The following KDM5A variants were observed in gnomAD, a reference collection of about 807,000 sequenced individuals.
KDM5A encodes lysine-specific demethylase 5A.
In KDM5A, 42 loss-of-function variants were observed where a neutral mutation model predicts 193.5. That is an observed-to-expected ratio of 0.22 (90% CI 0.17 to 0.28). The LOEUF (loss-of-function observed/expected upper bound fraction) is 0.28, where lower values mean the gene tolerates loss of function less well. Ranked by LOEUF, KDM5A falls within the 10% of genes least tolerant of loss-of-function variation. The probability of loss-of-function intolerance (pLI) is 1.00; values close to 1 mark genes in which losing one functional copy is unlikely to be tolerated. For synonymous variants in KDM5A, 796 were observed against 718.1 expected, an observed-to-expected ratio of 1.11 and a Z score of -1.73; for missense variants, 1,692 against 2,055.1, an observed-to-expected ratio of 0.82 and a Z score of 3.42.
rs1943526182 is a variant in KDM5A, at chr12:307,642, A to T, written c.3742T>A (p.Cys1248Ser). 1 of 1,614,216 alleles carries T rather than the reference A, an allele frequency of 6.2e-7. No homozygotes were observed. The highest frequency in any genetic ancestry group is 1.7e-5 in the Admixed American group (1 of 60,020). Reference sequence around the variant, plus strand: ...CAACTCATAGCACGTTCTGTCAAACACTGCAGGGCCTCTCCTTCAGGCAAC... The same window carrying T: ...CAACTCATAGCACGTTCTGTCAAACTCTGCAGGGCCTCTCCTTCAGGCAAC... ...VRLPEGEALQ[C>S]LTERAMSWQD... Residue 1248 changes from cysteine (C) to serine (S), a missense_variant, in exon 23 of 28, where the codon TGT becomes AGT. Cys to Ser is a moderately radical substitution (Grantham distance 112). Transcript: ENST00000399788. The surrounding 1 kb of genome is among the most constrained non-coding windows in gnomAD (Gnocchi z 4.3).
At chr12:335,210 G>A (rs1943914325) in intron 10 of KDM5A, among the ~76,000 whole-genome samples, 1 of 152,222 alleles carries the variant, frequency 6.6e-6, no homozygotes, top group Non-Finnish European at 1.5e-5. Context: ...GGAAGCTGTT[G>A]CAAGAGTTTT....
At chr12:375,089 G>A (rs771358942) in intron 3 of KDM5A, among the ~76,000 whole-genome samples, 6 of 152,126 alleles carry the variant, frequency 3.9e-5, no homozygotes, top group East Asian at 1.9e-4. Flanking sequence ...TCTTTGTGGC[G>A]TTCTCTGTAT....
At chr12:331,762 CTT>C in intron 13 of KDM5A, 55 bp downstream of exon 13, 7 of 1,607,720 alleles carry the variant, frequency 4.4e-6, no homozygotes, top group Non-Finnish European at 6.0e-6. Flanking sequence ...AACTAAGCTG[CTT>C]TATATTTATA....
chr12:359,787 G>A (rs1205415116), intron 5 of KDM5A, among the ~76,000 whole-genome samples: 2 of 134,382 alleles, frequency 1.5e-5, no homozygotes, highest in Admixed American at 7.5e-5. Context: ...AGGAGGAAGG[G>A]ATGAAGGGAA....
In KDM5A at chr12:366,243, C is replaced by T. The variant is rs1944355804; in HGVS notation, c.367-139G>A. On this transcript the variant is annotated intron_variant, in intron 3 of 27. Transcript: ENST00000399788. Reference sequence around the variant, plus strand: ...TTCAATGAGTATCTAACCAAACTGACACTTGTCAACATTTAGAGTAAGAAA... The same window carrying T: ...TTCAATGAGTATCTAACCAAACTGATACTTGTCAACATTTAGAGTAAGAAA... 7.1e-6 allele frequency: 5 copies of T among 705,758 alleles called. No homozygotes were observed. The East Asian group carries it at 1.2e-4, about 17-fold the overall frequency. 43.7% of individuals were successfully genotyped at this position (705,758 alleles called of 1,614,324 possible).
intron 27 of KDM5A, chr12:286,093 G>C (rs1943216882): frequency 2.2e-6 from 1 of 450,124 alleles, no homozygotes; most frequent in Admixed American, 2.7e-5. Context: ...TTATTTCAAA[G>C]AGATAAGCCA....
intron 3 of KDM5A, among the ~76,000 whole-genome samples, chr12:372,671 G>C (rs1200126062): frequency 6.6e-6 from 1 of 152,154 alleles, no homozygotes; most frequent in African/African-American, 2.4e-5. Flanking sequence ...TATTGTACTA[G>C]TTTTCAAAGG....
chr12:380,646 C>G (rs144930549), intron 3 of KDM5A, among the ~76,000 whole-genome samples: 2,481 of 152,122 alleles, frequency 0.016, 31 homozygotes, highest in East Asian at 0.065. Context: ...TCGGTTGAAC[C>G]TGGGAGATGG....
chr12:354,356 G>A, intron 7 of KDM5A, 122 bp from the exon 8 acceptor site: 1 of 693,220 alleles, frequency 1.4e-6, no homozygotes, highest in African/African-American at 1.8e-5. Flanking sequence ...CTTAAATCCT[G>A]AATGTCTATT....
chr12:374,199 T>A (rs188437471), intron 3 of KDM5A, among the ~76,000 whole-genome samples: 1 of 152,330 alleles, frequency 6.6e-6, no homozygotes, highest in Admixed American at 6.5e-5. Context: ...TCTCCCATTA[T>A]CATTGTGTGG....
chr12:292,124 G>A (rs144733318), intron 27 of KDM5A, among the ~76,000 whole-genome samples: 1 of 152,068 alleles, frequency 6.6e-6, no homozygotes, highest in African/African-American at 2.4e-5. Context: ...GGCTGGTCTC[G>A]AACTCCTCAC....
chr12:368,559 C>T (rs755163459), intron 3 of KDM5A, among the ~76,000 whole-genome samples: 3 of 151,954 alleles, frequency 2.0e-5, no homozygotes, highest in Non-Finnish European at 1.5e-5. Context: ...GGTGAAACTC[C>T]GTCTCAACTA....
In KDM5A at chr12:292,749, T is replaced by C; in HGVS notation, c.4866+10A>G. 6 of 1,614,228 alleles carry C rather than the reference T, an allele frequency of 3.7e-6. No homozygotes were observed. The South Asian group carries it at 6.6e-5, about 18-fold the overall frequency. On this transcript the variant is annotated intron_variant, in intron 27 of 27. Transcript: ENST00000399788. Reference sequence around the variant, plus strand: ...CCTCTCATGCTTGACTATAAACAGTTGGAACTCACCTTGTCCTTGCAGGGC... The same window carrying C: ...CCTCTCATGCTTGACTATAAACAGTCGGAACTCACCTTGTCCTTGCAGGGC...
At chr12:295,490 C>T (rs936207887) in intron 26 of KDM5A, 83 bp downstream of exon 26, 20 of 1,289,664 alleles carry the variant, frequency 1.6e-5, no homozygotes, top group Non-Finnish European at 2.2e-5. Flanking sequence ...CTCAGCCACC[C>T]CTTTGCCAAC....
chr12:357,942 A>G (rs932735683), intron 5 of KDM5A, among the ~76,000 whole-genome samples: 3 of 151,718 alleles, frequency 2.0e-5, no homozygotes, highest in African/African-American at 7.3e-5. Flanking sequence ...CCATACTACA[A>G]CTGGGAGGAA....
Position 389,193 on chromosome 12 carries a change from C to A in KDM5A, c.-102G>T, listed in dbSNP as rs755601445. ...TCAAGTCCCCTGACAGAGGCCGAAG[C>A]GCATCTTCGCGGACAAGAACCGTTC... On this transcript the variant is annotated 5_prime_UTR_variant, in exon 1 of 28. Coordinates refer to ENST00000399788, the MANE Select transcript of KDM5A (RefSeq NM_001042603.3). The A allele has an allele frequency of 3.7e-6, 4 of 1,074,718 alleles. No homozygotes were observed. The South Asian group carries it at 5.0e-5, about 13-fold the overall frequency. 66.6% of individuals were successfully genotyped at this position (1,074,718 alleles called of 1,614,324 possible).
At chr12:347,334 G>A (rs1186720860) in intron 10 of KDM5A, among the ~76,000 whole-genome samples, 3 of 152,228 alleles carry the variant, frequency 2.0e-5, no homozygotes, top group East Asian at 3.9e-4. Flanking sequence ...TGGCCATATT[G>A]CCCAAAGTAA....
intron 10 of KDM5A, among the ~76,000 whole-genome samples, chr12:343,850 G>A (rs1274099644): frequency 6.6e-6 from 1 of 152,220 alleles, no homozygotes; most frequent in Non-Finnish European, 1.5e-5. Flanking sequence ...AAATCAGAGT[G>A]CCTCTTCTCC....
rs143616405 is a variant in KDM5A, at chr12:284,077, G to C, written c.*1379C>G. ...AAAGCAAAATGGAAGATCTGGTCAG[G>C]CTGGGATGGAGGAGGGAGTGCTAAC... On this transcript the variant is annotated 3_prime_UTR_variant, in exon 28 of 28. Coordinates refer to ENST00000399788, the MANE Select transcript of KDM5A (RefSeq NM_001042603.3). 472 of 232,762 alleles carry C rather than the reference G, an allele frequency of 2.0e-3. 4 individuals carry two copies. Among genetic ancestry groups the C allele is most frequent in the African/African-American group, 9.7e-3 (442 of 45,368 alleles). 14.4% of individuals were successfully genotyped at this position (232,762 alleles called of 1,614,324 possible). A position where few individuals can be genotyped will look rare whatever the true frequency, so the allele number is the denominator to read the frequency against.
Sources: allele counts gnomAD v4.1 joint callset (sites outside exome capture counted in the v4.1 genomes callset), GRCh38; gene constraint gnomAD v4.1.1; non-coding constraint Gnocchi (gnomAD v3.1); transcripts MANE v1.5; gene names NCBI Gene and HGNC (gene_info 2026-07-23, HGNC 2026-07-21).